The following DNAJC5B variants were observed in gnomAD, a reference collection of about 807,000 sequenced individuals.
The protein encoded by DNAJC5B is dnaJ homolog subfamily C member 5B.
Under a neutral mutation model 24.7 loss-of-function variants are expected in DNAJC5B, and 23 were observed. That is an observed-to-expected ratio of 0.93 (90% CI 0.67 to 1.32). The LOEUF is 1.32. DNAJC5B is among the 40% of genes most tolerant of loss of function. The pLI is 0.00. For synonymous variants in DNAJC5B, 101 were observed against 90.1 expected (o/e 1.12, Z -0.68); for missense variants, 238 against 240.8 (o/e 0.99, Z 0.08).
In DNAJC5B at chr8:66,068,871, A is replaced by G. The variant is rs375330801; in HGVS notation, c.120-7789A>G. Reference sequence around the variant, plus strand: ...TACATATTACTTTTAAAGCACAACAATTAGACTTACAGCTGATTTTCCAAC... The same window carrying G: ...TACATATTACTTTTAAAGCACAACAGTTAGACTTACAGCTGATTTTCCAAC... On this transcript the variant is annotated intron_variant, in intron 3 of 5. Transcript: ENST00000276570. Among the ~76,000 whole-genome samples, 52 of 152,278 alleles carry G rather than the reference A, an allele frequency of 3.4e-4. 1 individual carries two copies. Among genetic ancestry groups the G allele is most frequent in the African/African-American group, 1.2e-3 (49 of 41,588 alleles).
At chr8:66,093,291 T>G (rs2128966853) in intron 5 of DNAJC5B, among the ~76,000 whole-genome samples, 1 of 152,310 alleles carries the variant, frequency 6.6e-6, no homozygotes, top group African/African-American at 2.4e-5. Flanking sequence ...GATATGCACT[T>G]GTACAACTTA....
chr8:66,092,584 AATGTTACC>A (rs1807869750), intron 5 of DNAJC5B, among the ~76,000 whole-genome samples: 1 of 152,156 alleles, frequency 6.6e-6, no homozygotes, highest in Non-Finnish European at 1.5e-5. Flanking sequence ...TCAGAAAAAG[AATGTTACC>A]ATCACCTTTA....
intron 3 of DNAJC5B, chr8:66,057,127 A>C (rs971787377): frequency 2.6e-5 from 4 of 152,258 alleles, no homozygotes; most frequent in African/African-American, 9.6e-5. Flanking sequence ...CGACAGAGCA[A>C]GACTGTCTCA....
intron 5 of DNAJC5B, among the ~76,000 whole-genome samples, chr8:66,093,680 T>G (rs1372845722): frequency 6.6e-6 from 1 of 152,184 alleles, no homozygotes; most frequent in East Asian, 1.9e-4. Context: ...GATTTGGTGT[T>G]TTACTCTTTA....
chr8:66,061,898 A>C (rs762183038), intron 3 of DNAJC5B, among the ~76,000 whole-genome samples: 1 of 150,650 alleles, frequency 6.6e-6, no homozygotes, highest in Non-Finnish European at 1.5e-5. Context: ...AAACCCAAAC[A>C]TCCCACCGAG....
chr8:66,070,915 G>T (rs757363835), intron 3 of DNAJC5B, among the ~76,000 whole-genome samples: 4 of 152,190 alleles, frequency 2.6e-5, no homozygotes, highest in Non-Finnish European at 5.9e-5. Context: ...ACAATCATCT[G>T]ATTTTTGACA....
intron 2 of DNAJC5B, among the ~76,000 whole-genome samples, chr8:66,046,088 T>C (rs1218627769): frequency 1.3e-5 from 2 of 152,162 alleles, no homozygotes; most frequent in African/African-American, 2.4e-5. Context: ...CCTGTAGCCC[T>C]GAGCCACAGG....
intron 3 of DNAJC5B, among the ~76,000 whole-genome samples, chr8:66,052,104 C>A (rs1806860972): frequency 6.6e-6 from 1 of 151,326 alleles, no homozygotes; most frequent in Non-Finnish European, 1.5e-5. Flanking sequence ...GCTGGGATTA[C>A]AGACACCCAG....
At chr8:66,017,481 C>G (rs115482352), upstream of DNAJC5B, among the ~76,000 whole-genome samples, 1 of 152,180 alleles carries the variant, frequency 6.6e-6, no homozygotes, top group Admixed American at 6.5e-5. Context: ...TCTACAGGCA[C>G]GCTTCCATTT....
chr8:66,095,401 TTCTC>T (rs143594595), intron 5 of DNAJC5B, among the ~76,000 whole-genome samples: 327 of 128,380 alleles, frequency 2.5e-3, no homozygotes, highest in African/African-American at 0.01. Context: ...CATTTCTGCT[TTCTC>T]TCTCTCTCTC....
intron 1 of DNAJC5B, among the ~76,000 whole-genome samples, chr8:66,036,852 G>A (rs1261495442): frequency 6.6e-6 from 1 of 152,174 alleles, no homozygotes; most frequent in East Asian, 1.9e-4. Flanking sequence ...GGCTTTTGGG[G>A]CCACTTGCTG....
chr8:66,023,924 G>A (rs971461092), intron 1 of DNAJC5B, among the ~76,000 whole-genome samples: 1 of 152,068 alleles, frequency 6.6e-6, no homozygotes, highest in African/African-American at 2.4e-5. Context: ...GGTAGTCAGC[G>A]TTTTTCCAAT....
At chr8:66,066,185 C>A (rs1807188934) in intron 3 of DNAJC5B, among the ~76,000 whole-genome samples, 1 of 152,104 alleles carries the variant, frequency 6.6e-6, no homozygotes, top group Non-Finnish European at 1.5e-5. Context: ...TGAGGTATCG[C>A]CTTACTCCTG....
intron 5 of DNAJC5B, among the ~76,000 whole-genome samples, chr8:66,083,982 G>A (rs1807662480): frequency 6.6e-6 from 1 of 152,182 alleles, no homozygotes; most frequent in South Asian, 2.1e-4. Flanking sequence ...GCCCCAACAG[G>A]CCCTTGGAAG....
In DNAJC5B at chr8:66,086,276, T is replaced by C. The variant is rs183442702; in HGVS notation, c.505+5728T>C. Among the ~76,000 whole-genome samples, 7 of 152,328 alleles carry C rather than the reference T, an allele frequency of 4.6e-5. No individual in the cohort carries two copies. The East Asian group carries it at 1.3e-3, about 29-fold the overall frequency. ...TCCATTCCAATCTGTATTCCTTTTG[T>C]TTCTTTTTCTTGCCTTGTTGCACTG... On this transcript the variant is annotated intron_variant, in intron 5 of 5. Coordinates refer to ENST00000276570, the MANE Select transcript of DNAJC5B (RefSeq NM_033105.6).
At chr8:66,087,990 T>TG (rs1437223349) in intron 5 of DNAJC5B, among the ~76,000 whole-genome samples, 2 of 152,184 alleles carry the variant, frequency 1.3e-5, no homozygotes, top group East Asian at 1.9e-4. Flanking sequence ...AGGGACTGTG[T>TG]GTGGGGGCTC....
At chr8:66,048,801 G>A (rs758009385) in intron 2 of DNAJC5B, among the ~76,000 whole-genome samples, 4 of 152,176 alleles carry the variant, frequency 2.6e-5, no homozygotes, top group South Asian at 2.1e-4. Flanking sequence ...TGTTGCTTTC[G>A]GTTCAGGCTT....
intron 1 of DNAJC5B, among the ~76,000 whole-genome samples, 171 bp downstream of exon 1, chr8:66,021,876 T>C (rs1479003208): frequency 3.3e-5 from 5 of 152,240 alleles, no homozygotes; most frequent in African/African-American, 1.2e-4. Flanking sequence ...TCCGAGGCTG[T>C]AGTCCACTTG....
chr8:66,069,754 A>G (rs1807304130), intron 3 of DNAJC5B, among the ~76,000 whole-genome samples: 1 of 152,240 alleles, frequency 6.6e-6, no homozygotes, highest in Non-Finnish European at 1.5e-5. Flanking sequence ...GAGACACAAC[A>G]AGAAAAGAAA....
Sources: gnomAD v4.1 joint callset for allele counts (sites outside exome capture counted in the v4.1 genomes callset) on GRCh38, gnomAD v4.1.1 for gene constraint, MANE v1.5 for transcripts, NCBI Gene and HGNC (gene_info 2026-07-23, HGNC 2026-07-21) for gene names.